TMEM132D: variants seen among roughly 807,000 people sequenced by gnomAD.
TMEM132D encodes transmembrane protein 132D, also known as mature OL transmembrane protein.
In TMEM132D, 21 loss-of-function variants were observed where a neutral mutation model predicts 62.3. That is an observed-to-expected ratio of 0.34 (90% CI 0.24 to 0.49). TMEM132D has a LOEUF of 0.49. Among genes scored for constraint, TMEM132D ranks in the 20% least tolerant of loss-of-function variants. The pLI is 0.99. For missense variants in TMEM132D, 1,346 were observed against 1,402.8 expected (o/e 0.96, Z 0.65); for synonymous variants, 621 against 575.6 (o/e 1.08, Z -1.13).
At chr12:129,185,687 T>C (rs1223977205) in intron 5 of TMEM132D, among the ~76,000 whole-genome samples, 1 of 152,118 alleles carries the variant, frequency 6.6e-6, no homozygotes, top group African/African-American at 2.4e-5. Context: ...AAGTTTTATG[T>C]CCATATCTTA....
At chr12:129,237,180 GGTTTTCTTTGCTTGTA>G (rs1439150006) in intron 4 of TMEM132D, among the ~76,000 whole-genome samples, 1 of 151,966 alleles carries the variant, frequency 6.6e-6, no homozygotes, top group Non-Finnish European at 1.5e-5. Flanking sequence ...ATTAGCCTGT[GGTTTTCTTTGCTTGTA>G]GTAGTTACCT....
intron 3 of TMEM132D, among the ~76,000 whole-genome samples, chr12:129,460,598 A>G (rs1873633864): frequency 6.6e-6 from 1 of 152,218 alleles, no homozygotes; most frequent in Non-Finnish European, 1.5e-5. Context: ...TAATGTATAT[A>G]AATGAGTTCT....
At chr12:129,380,419 T>C (rs1870910557) in intron 3 of TMEM132D, among the ~76,000 whole-genome samples, 2 of 152,300 alleles carry the variant, frequency 1.3e-5, no homozygotes, top group East Asian at 3.9e-4. Context: ...TAAGAAATAT[T>C]AGAAAAAGAC....
intron 1 of TMEM132D, among the ~76,000 whole-genome samples, chr12:129,725,779 AG>A: frequency 6.6e-6 from 1 of 152,356 alleles, no homozygotes; most frequent in East Asian, 1.9e-4. Flanking sequence ...TTAACACAGC[AG>A]ACCAGAGACT....
intron 3 of TMEM132D, among the ~76,000 whole-genome samples, chr12:129,372,176 C>T (rs989841362): frequency 6.6e-6 from 1 of 152,196 alleles, no homozygotes; most frequent in Non-Finnish European, 1.5e-5. Flanking sequence ...AGAGCCTCTA[C>T]AAGGAAGTAG....
intron 1 of TMEM132D, among the ~76,000 whole-genome samples, chr12:129,709,262 A>G (rs528243397): frequency 2.0e-5 from 3 of 152,200 alleles, no homozygotes; most frequent in Non-Finnish European, 2.9e-5. Context: ...CATTCATTGT[A>G]TATCTAAGAA....
chr12:129,513,995 G>A (rs970546684), intron 3 of TMEM132D, among the ~76,000 whole-genome samples: 13 of 149,236 alleles, frequency 8.7e-5, no homozygotes, highest in East Asian at 2.0e-4. Context: ...CCGCCACCAC[G>A]CCTGGCTAAT....
intron 3 of TMEM132D, among the ~76,000 whole-genome samples, chr12:129,447,286 T>C (rs561092291): frequency 1.6e-4 from 25 of 152,348 alleles, no homozygotes; most frequent in African/African-American, 5.3e-4. Context: ...TCAGTCATTG[T>C]AACTGACACT....
chr12:129,104,301 CTA>C (rs1480745835), intron 5 of TMEM132D, among the ~76,000 whole-genome samples: 1 of 151,606 alleles, frequency 6.6e-6, no homozygotes, highest in Non-Finnish European at 1.5e-5. Context: ...AAAGGATTCC[CTA>C]TTTAATAAAT....
chr12:129,309,834 G>A lies in TMEM132D; in HGVS notation c.1299+27800C>T, dbSNP rs370031922. On this transcript the variant is annotated intron_variant, in intron 4 of 8. Coordinates refer to ENST00000422113, the MANE Select transcript of TMEM132D (RefSeq NM_133448.3). ...AATCGAGGAATCCTGAGGGAAAAAA[G>A]CAAAGCTACATTTAAAAAAAAACTA... is the stretch of plus-strand genomic sequence containing the variant. Among the ~76,000 whole-genome samples, 5 of 152,004 alleles carry A rather than the reference G, an allele frequency of 3.3e-5. No individual in the cohort carries two copies. In the East Asian group the frequency reaches 9.7e-4, roughly 29 times the overall value.
chr12:129,252,882 T>C (rs1387745897), intron 4 of TMEM132D, among the ~76,000 whole-genome samples: 4 of 152,038 alleles, frequency 2.6e-5, no homozygotes, highest in South Asian at 2.1e-4. Context: ...TGAGTTCATG[T>C]CCTTTGTAGG....
rs111205218 is a variant in TMEM132D, at chr12:129,136,942, G to A, written c.1444-52240C>T. Among the ~76,000 whole-genome samples, 21 of 122,394 alleles carry A rather than the reference G, an allele frequency of 1.7e-4. 2 individuals carry two copies. Among genetic ancestry groups the A allele is most frequent in the African/African-American group, 4.5e-4 (14 of 31,006 alleles). 80.3% of individuals were successfully genotyped at this position (122,394 alleles called of 152,430 possible). A position where few individuals can be genotyped will look rare whatever the true frequency, so the allele number is the denominator to read the frequency against. On this transcript the variant is annotated intron_variant, in intron 5 of 8. Transcript: ENST00000422113. ...TACCACCACCATCATCATCATCATC[G>A]CCACCATCATCACCATCATTATCAT...
At chr12:129,799,067 C>T (rs1871656003) in intron 1 of TMEM132D, among the ~76,000 whole-genome samples, 1 of 152,090 alleles carries the variant, frequency 6.6e-6, no homozygotes, top group African/African-American at 2.4e-5. Flanking sequence ...AGATGGAGAC[C>T]AATCCTGTCC....
chr12:129,545,730 G>A (rs1168676900), intron 2 of TMEM132D, among the ~76,000 whole-genome samples: 1 of 152,140 alleles, frequency 6.6e-6, no homozygotes, highest in Non-Finnish European at 1.5e-5. Flanking sequence ...GAGTAAGTGT[G>A]GTTTCTTGCT....
At chr12:129,075,572 C>T (rs1874224372) in intron 8 of TMEM132D, among the ~76,000 whole-genome samples, 1 of 147,464 alleles carries the variant, frequency 6.8e-6, no homozygotes, top group Non-Finnish European at 1.5e-5. Context: ...TGCAGGGCTG[C>T]AGGCTGTGGT....
intron 2 of TMEM132D, among the ~76,000 whole-genome samples, chr12:129,615,786 A>G (rs1038783899): frequency 7.1e-5 from 10 of 141,616 alleles, no homozygotes; most frequent in Non-Finnish European, 1.4e-4. Flanking sequence ...AAAACAAAAC[A>G]AAACAAAACA....
At chr12:129,491,276 A>G (rs1222426152) in intron 3 of TMEM132D, among the ~76,000 whole-genome samples, 4 of 152,188 alleles carry the variant, frequency 2.6e-5, no homozygotes, top group Non-Finnish European at 5.9e-5. Context: ...CAGTTCCATA[A>G]AAAGCCCACG....
Position 129,176,373 on chromosome 12 carries a change from A to G in TMEM132D, c.1443+33147T>C, listed in dbSNP as rs1435315315. Reference sequence around the variant, plus strand: ...GTGACTCCACCATACTGTTTAGAAGAGCAGGTGTAATTATTTCACTGAAGA... The same window carrying G: ...GTGACTCCACCATACTGTTTAGAAGGGCAGGTGTAATTATTTCACTGAAGA... On this transcript the variant is annotated intron_variant, in intron 5 of 8. Coordinates refer to ENST00000422113, the MANE Select transcript of TMEM132D (RefSeq NM_133448.3). 2.0e-5 allele frequency among the ~76,000 whole-genome samples: 3 copies of G among 152,242 alleles called. No homozygotes were observed. In the East Asian group the frequency reaches 5.8e-4, roughly 29 times the overall value.
At chr12:129,601,255 C>T (rs533236411) in intron 2 of TMEM132D, among the ~76,000 whole-genome samples, 39 of 152,252 alleles carry the variant, frequency 2.6e-4, no homozygotes, top group African/African-American at 9.1e-4. Flanking sequence ...CCTCATTGCC[C>T]CCAGCCTTCA....
Sources: gnomAD v4.1 joint callset for allele counts (sites outside exome capture counted in the v4.1 genomes callset) on GRCh38, gnomAD v4.1.1 for gene constraint, MANE v1.5 for transcripts, NCBI Gene and HGNC (gene_info 2026-07-23, HGNC 2026-07-21) for gene names.